NFIB: variants seen among roughly 807,000 people sequenced by gnomAD.
NFIB encodes the protein nuclear factor 1 B-type.
Under a neutral mutation model 61.5 loss-of-function variants are expected in NFIB, and 11 were observed. That is an observed-to-expected ratio of 0.18 (90% CI 0.11 to 0.30). The LOEUF is 0.30. Ranked by LOEUF, NFIB falls within the 10% of genes least tolerant of loss-of-function variation. The pLI is 1.00. For synonymous variants in NFIB, 260 were observed against 216.5 expected (o/e 1.20, Z -1.76); for missense variants, 471 against 608.9 (o/e 0.77, Z 2.38).
chr9:14,212,920 G>A (rs1263106128), intron 2 of NFIB, among the ~76,000 whole-genome samples: 1 of 152,174 alleles, frequency 6.6e-6, no homozygotes, highest in African/African-American at 2.4e-5. Flanking sequence ...TAAATTCACT[G>A]CTTAGAGAAT....
intron 2 of NFIB, among the ~76,000 whole-genome samples, chr9:14,185,557 A>G (rs1338048312): frequency 6.6e-6 from 1 of 152,140 alleles, no homozygotes; most frequent in Non-Finnish European, 1.5e-5. Flanking sequence ...CATCCTCAAC[A>G]ATATGACACG....
chr9:14,405,440 T>G, the NFIB span, among the ~76,000 whole-genome samples: 1 of 152,192 alleles, frequency 6.6e-6, no homozygotes, highest in Non-Finnish European at 1.5e-5. Flanking sequence ...AACGAGGATG[T>G]GAATGGCAGG....
the NFIB span, among the ~76,000 whole-genome samples, chr9:14,416,199 T>C: frequency 6.6e-6 from 1 of 152,148 alleles, no homozygotes. Context: ...ACCATAATGG[T>C]CCCATAGATT....
intron 5 of NFIB, among the ~76,000 whole-genome samples, chr9:14,149,694 G>A (rs1362635343): frequency 6.6e-6 from 1 of 152,104 alleles, no homozygotes; most frequent in Non-Finnish European, 1.5e-5. Flanking sequence ...TTGGCAAACT[G>A]TGGTCTTTAA....
the NFIB span, among the ~76,000 whole-genome samples, chr9:14,477,647 T>C: frequency 6.6e-6 from 1 of 152,232 alleles, no homozygotes; most frequent in South Asian, 2.1e-4. Context: ...GGTTCAGAGT[T>C]ATTTCTATGT....
At chr9:14,126,842 C>T (rs2039718787) in intron 6 of NFIB, among the ~76,000 whole-genome samples, 1 of 152,196 alleles carries the variant, frequency 6.6e-6, no homozygotes, top group Non-Finnish European at 1.5e-5. Context: ...AAGACAGATT[C>T]ATCAATACAT....
chr9:14,163,642 C>T (rs1341710367), intron 3 of NFIB, among the ~76,000 whole-genome samples: 1 of 151,908 alleles, frequency 6.6e-6, no homozygotes, highest in Non-Finnish European at 1.5e-5. Flanking sequence ...ATACAAGAAA[C>T]TTTATAAAAA....
intron 3 of NFIB, among the ~76,000 whole-genome samples, chr9:14,175,167 C>T (rs9942855): frequency 0.74 from 93,287 of 125,886 alleles, 37,168 homozygotes; most frequent in South Asian, 0.93. Context: ...TAAAGAATTT[C>T]TTTTTTTTTT....
intron 6 of NFIB, among the ~76,000 whole-genome samples, chr9:14,143,188 G>T (rs2041940870): frequency 1.3e-5 from 2 of 151,560 alleles, no homozygotes; most frequent in Admixed American, 6.6e-5. Context: ...GTTTTGAAAA[G>T]AAATTACATA....
chr9:14,299,237 T>C (rs1367399067), intron 2 of NFIB, among the ~76,000 whole-genome samples: 1 of 152,230 alleles, frequency 6.6e-6, no homozygotes, highest in African/African-American at 2.4e-5. Flanking sequence ...TTAGCACCAA[T>C]ACATTTATCC....
chr9:14,398,705 C>A, exon 1 of NFIB: 2 of 1,084,664 alleles, frequency 1.8e-6, no homozygotes, highest in Non-Finnish European at 2.6e-6. Context: ...AATGTTTGCT[C>A]CAGGTCACCG....
chr9:14,182,157 T>A (rs1393753338), intron 2 of NFIB, among the ~76,000 whole-genome samples: 1 of 152,202 alleles, frequency 6.6e-6, no homozygotes, highest in African/African-American at 2.4e-5. Context: ...CAGACCAACT[T>A]CTTCGATTGA....
the NFIB span, among the ~76,000 whole-genome samples, chr9:14,416,241 T>A: frequency 6.6e-6 from 1 of 152,238 alleles, no homozygotes. Context: ...TATCACTTAG[T>A]ATTTACTCTA....
At position 14,216,833 on chromosome 9, in the gene NFIB, A is replaced by G. The variant is rs2050982552; in HGVS notation, c.563-37053T>C. 2.0e-5 allele frequency among the ~76,000 whole-genome samples: 3 copies of G among 152,224 alleles called. No homozygotes were observed. The South Asian group carries it at 6.2e-4, about 32-fold the overall frequency. ...GGAAAATAAGCATACTTTTCTGATG[A>G]AAACTGTTGTCAGACAGGCCTGTAA... On this transcript the variant is annotated intron_variant, in intron 2 of 10. Transcript: ENST00000380953.
intron 2 of NFIB, among the ~76,000 whole-genome samples, chr9:14,200,436 G>C (rs74765220): frequency 0.03 from 4,515 of 152,274 alleles, 227 homozygotes; most frequent in African/African-American, 0.099. Context: ...TGATCACGAT[G>C]TGAGATAAGA....
chr9:14,184,018 A>ACC (rs1160284458), intron 2 of NFIB, among the ~76,000 whole-genome samples: 1 of 152,164 alleles, frequency 6.6e-6, no homozygotes, highest in East Asian at 1.9e-4. Flanking sequence ...TTCATGCACG[A>ACC]CCCTTACCAA....
At chr9:14,431,356 T>C in the NFIB span, among the ~76,000 whole-genome samples, 1 of 152,062 alleles carries the variant, frequency 6.6e-6, no homozygotes, top group East Asian at 1.9e-4. Flanking sequence ...CTTAATCACA[T>C]TTTTTAAAAA....
intron 3 of NFIB, among the ~76,000 whole-genome samples, chr9:14,170,952 T>C (rs1410799387): frequency 1.3e-5 from 2 of 152,236 alleles, no homozygotes; most frequent in Non-Finnish European, 2.9e-5. Flanking sequence ...TTGGATTCTA[T>C]GTTACCTTAT....
At chr9:14,278,812 T>C (rs147196903) in intron 2 of NFIB, among the ~76,000 whole-genome samples, 64 of 152,252 alleles carry the variant, frequency 4.2e-4, no homozygotes, top group Admixed American at 9.8e-4. Context: ...ACCATGTCAC[T>C]TGTCCACTGT....
Sources: allele counts gnomAD v4.1 joint callset (sites outside exome capture counted in the v4.1 genomes callset), GRCh38; gene constraint gnomAD v4.1.1; transcripts MANE v1.5; gene names NCBI Gene and HGNC (gene_info 2026-07-23, HGNC 2026-07-21).